The following GRID2 variants were observed in gnomAD, a reference collection of about 807,000 sequenced individuals.
The protein encoded by GRID2 is glutamate ionotropic receptor delta type subunit 2.
Under a neutral mutation model 114.8 loss-of-function variants are expected in GRID2, and 33 were observed. The observed-to-expected ratio is 0.29, with a 90% CI of 0.22 to 0.38. The LOEUF is 0.38. Ranked by LOEUF, GRID2 falls within the 10% of genes least tolerant of loss-of-function variation. GRID2 has a pLI of 1.00. For synonymous variants in GRID2, 505 were observed against 449.9 expected, an observed-to-expected ratio of 1.12 and a Z score of -1.55; for missense variants, 1,184 against 1,257.7, an observed-to-expected ratio of 0.94 and a Z score of 0.89.
At chr4:93,173,841 G>A (rs1424379971) in intron 4 of GRID2, among the ~76,000 whole-genome samples, 1 of 152,082 alleles carries the variant, frequency 6.6e-6, no homozygotes, top group African/African-American at 2.4e-5. Context: ...TATTTGCCCA[G>A]GCCTGTCTCT....
chr4:93,684,910 T>C lies in GRID2; in HGVS notation c.2360+58475T>C, dbSNP rs557086857. 1.4e-4 allele frequency among the ~76,000 whole-genome samples: 22 copies of C among 152,068 alleles called. No homozygotes were observed. In the South Asian group the frequency reaches 2.9e-3, roughly 20 times the overall value. On this transcript the variant is annotated intron_variant, in intron 14 of 15. Transcript: ENST00000282020. ...TTATCATAACATATTTAGAAATAGA[T>C]TTAAAATCTGTAGGATATGATATGA...
chr4:93,340,240 CTT>C (rs33924908), intron 8 of GRID2, among the ~76,000 whole-genome samples: 35,209 of 139,718 alleles, frequency 0.25, 6,943 homozygotes, highest in African/African-American at 0.55. Flanking sequence ...TATCTCCTCT[CTT>C]TTTTTTTTTT....
intron 13 of GRID2, among the ~76,000 whole-genome samples, chr4:93,544,847 G>A (rs1733056236): frequency 6.6e-6 from 1 of 151,880 alleles, no homozygotes; most frequent in African/African-American, 2.4e-5. Flanking sequence ...GCTCAGAGAT[G>A]TTAAGTAAGT....
chr4:92,514,869 T>C (rs1403421057), intron 1 of GRID2, among the ~76,000 whole-genome samples: 2 of 152,016 alleles, frequency 1.3e-5, no homozygotes, highest in African/African-American at 4.8e-5. Context: ...CCTGCAGCCA[T>C]GCTCTAAGTT....
intron 13 of GRID2, among the ~76,000 whole-genome samples, chr4:93,593,592 A>G (rs1738662035): frequency 6.7e-6 from 1 of 149,106 alleles, no homozygotes. Flanking sequence ...CTGAATCTGA[A>G]CGTTGGCCTG....
chr4:92,623,209 AATTAAT>A (rs1293647691), intron 2 of GRID2, among the ~76,000 whole-genome samples: 6 of 151,680 alleles, frequency 4.0e-5, no homozygotes, highest in African/African-American at 1.4e-4. Flanking sequence ...CAATATGTTC[AATTAAT>A]ATTGTATTCA....
At chr4:92,726,017 TATATTATGC>T (rs1470218069) in intron 2 of GRID2, among the ~76,000 whole-genome samples, 45 of 152,212 alleles carry the variant, frequency 3.0e-4, no homozygotes, top group African/African-American at 1.1e-3. Context: ...AATTGTGCTT[TATATTATGC>T]ATGTTCTAGA....
chr4:93,810,293 A>T (rs578169884), downstream of GRID2: 1 of 152,186 alleles, frequency 6.6e-6, no homozygotes, highest in East Asian at 1.9e-4. Context: ...ACTTTTTACT[A>T]TCTTGGTTGA....
chr4:93,385,716 A>T (rs1197202137), intron 8 of GRID2, among the ~76,000 whole-genome samples: 2 of 142,780 alleles, frequency 1.4e-5, no homozygotes, highest in Middle Eastern at 6.9e-3. Context: ...TTCTGATAAT[A>T]TAAAAAAAAA....
chr4:92,696,568 C>T (rs1396374696), intron 2 of GRID2, among the ~76,000 whole-genome samples: 1 of 151,952 alleles, frequency 6.6e-6, no homozygotes, highest in African/African-American at 2.4e-5. Flanking sequence ...TCTTTTATCC[C>T]AACCAAACTA....
chr4:92,421,863 A>C (rs1731925504), intron 1 of GRID2, among the ~76,000 whole-genome samples: 1 of 152,158 alleles, frequency 6.6e-6, no homozygotes, highest in Non-Finnish European at 1.5e-5. Context: ...CAATAGTTCA[A>C]ATCTGCAAGG....
chr4:93,365,463 A>T (rs1356149318), intron 8 of GRID2, among the ~76,000 whole-genome samples: 1 of 152,198 alleles, frequency 6.6e-6, no homozygotes, highest in Non-Finnish European at 1.5e-5. Context: ...TATTTGGTCT[A>T]ATTATGACAG....
At position 92,712,830 on chromosome 4, in the gene GRID2, A is replaced by G. The variant is rs1402205232; in HGVS notation, c.244+122544A>G. Among the ~76,000 whole-genome samples the G allele has an allele frequency of 3.3e-5, 5 of 152,268 alleles. No individual in the cohort carries two copies. The East Asian group carries it at 5.8e-4, about 18-fold the overall frequency. On this transcript the variant is annotated intron_variant, in intron 2 of 15. Transcript: ENST00000282020. ...ATTATTTAGCTTCACATGAATTACC[A>G]TCAATAATTCCCTTGAATATTAAAA...
chr4:93,713,775 T>C (rs184792167), intron 14 of GRID2, among the ~76,000 whole-genome samples: 1 of 152,216 alleles, frequency 6.6e-6, no homozygotes, highest in Non-Finnish European at 1.5e-5. Context: ...AGTATCAAAC[T>C]TTTTCACTCA....
intron 8 of GRID2, among the ~76,000 whole-genome samples, chr4:93,377,577 G>A (rs909552025): frequency 3.9e-5 from 6 of 152,246 alleles, no homozygotes; most frequent in Admixed American, 1.3e-4. Context: ...TGCTCTGATC[G>A]TGTTCAGCTC....
chr4:92,918,972 C>T (rs1749063579), intron 2 of GRID2, among the ~76,000 whole-genome samples: 1 of 152,022 alleles, frequency 6.6e-6, no homozygotes. Context: ...CTGTGAATCC[C>T]TCTGGTCCTG....
intron 1 of GRID2, among the ~76,000 whole-genome samples, chr4:92,548,120 G>A (rs1726366475): frequency 6.6e-6 from 1 of 151,868 alleles, no homozygotes; most frequent in Non-Finnish European, 1.5e-5. Flanking sequence ...AGTTTAACAT[G>A]GTCACTAAGA....
intron 13 of GRID2, among the ~76,000 whole-genome samples, chr4:93,552,589 A>G (rs946157662): frequency 2.6e-5 from 4 of 152,042 alleles, no homozygotes; most frequent in African/African-American, 4.8e-5. Context: ...GTGTGAGATG[A>G]TATCTCATTG....
At chr4:92,640,965 TG>T in intron 2 of GRID2, among the ~76,000 whole-genome samples, 1 of 151,898 alleles carries the variant, frequency 6.6e-6, no homozygotes, top group Non-Finnish European at 1.5e-5. Flanking sequence ...TAATATAAGG[TG>T]TGTGTGCATC....
Sources: allele counts gnomAD v4.1 joint callset (sites outside exome capture counted in the v4.1 genomes callset), GRCh38; gene constraint gnomAD v4.1.1; transcripts MANE v1.5; gene names NCBI Gene and HGNC (gene_info 2026-07-23, HGNC 2026-07-21).